MARCHF3: variants seen among roughly 807,000 people sequenced by gnomAD.
MARCHF3 encodes the protein E3 ubiquitin-protein ligase MARCHF3.
A neutral mutation model predicts 24.2 loss-of-function variants in MARCHF3; 13 were observed. The ratio of observed to expected loss-of-function variants is 0.54; its 90% confidence interval spans 0.35 to 0.85. The LOEUF (loss-of-function observed/expected upper bound fraction) is 0.85, where lower values mean the gene tolerates loss of function less well. Ranked by LOEUF, MARCHF3 falls within the 40% of genes least tolerant of loss-of-function variation. The probability of loss-of-function intolerance (pLI) is 0.01; values close to 1 mark genes in which losing one functional copy is unlikely to be tolerated. For missense variants in MARCHF3, 276 were observed against 325.0 expected, an observed-to-expected ratio of 0.85 and a Z score of 1.16; for synonymous variants, 144 against 137.3, an observed-to-expected ratio of 1.05 and a Z score of -0.34.
chr5:126,951,173 C>T (rs934673361), intron 1 of MARCHF3, among the ~76,000 whole-genome samples: 4 of 152,132 alleles, frequency 2.6e-5, no homozygotes, highest in Admixed American at 1.3e-4. Flanking sequence ...CTTTCTATTG[C>T]GATACACTTT....
intron 1 of MARCHF3, among the ~76,000 whole-genome samples, chr5:126,946,782 GT>G (rs1561441082): frequency 6.6e-6 from 1 of 151,126 alleles, no homozygotes; most frequent in African/African-American, 2.4e-5. Flanking sequence ...GTGTGTGTGT[GT>G]GTGTGTGTGT....
chr5:126,868,299 C>G lies in MARCHF3; in HGVS notation c.*2334G>C, dbSNP rs554864876. ...CTGATGCTGATGGAGATCAGAGCCT[C>G]TCACAAGGAGGTCCCAAGCTGGTGA... On this transcript the variant is annotated 3_prime_UTR_variant, in exon 5 of 5. Transcript: ENST00000308660. The G allele has an allele frequency of 6.6e-6, 1 of 152,326 alleles. No individual in the cohort carries two copies. The highest frequency in any genetic ancestry group is 1.9e-4 in the East Asian group (1 of 5,182). 9.4% of individuals were successfully genotyped at this position (152,326 alleles called of 1,614,324 possible).
At chr5:126,923,397 T>C (rs1221765467) in intron 1 of MARCHF3, among the ~76,000 whole-genome samples, 2 of 152,162 alleles carry the variant, frequency 1.3e-5, no homozygotes, top group Non-Finnish European at 2.9e-5. Flanking sequence ...TGGGAGAAAT[T>C]TGTTATACTG....
chr5:127,005,844 G>A (rs986702039), intron 1 of MARCHF3, among the ~76,000 whole-genome samples: 10 of 151,854 alleles, frequency 6.6e-5, no homozygotes, highest in Non-Finnish European at 1.0e-4. Context: ...TACTATATTA[G>A]GTACATTATA....
chr5:126,965,021 TA>T (rs56350286), intron 1 of MARCHF3, among the ~76,000 whole-genome samples: 7,848 of 101,446 alleles, frequency 0.077, 339 homozygotes, highest in African/African-American at 0.17. Context: ...ATGTTCTTAG[TA>T]AAAAAAAAAA....
At chr5:126,931,570 TACAC>T (rs57567399) in intron 1 of MARCHF3, among the ~76,000 whole-genome samples, 24,309 of 142,586 alleles carry the variant, frequency 0.17, 2,135 homozygotes, top group African/African-American at 0.19. Flanking sequence ...CATACATGAA[TACAC>T]ACACACACAC....
chr5:127,001,172 A>G (rs1038531997), intron 1 of MARCHF3, among the ~76,000 whole-genome samples: 5 of 150,922 alleles, frequency 3.3e-5, no homozygotes, highest in Admixed American at 2.0e-4. Context: ...TGGGAGATGG[A>G]GGTTGCAGTG....
rs142161471 is a variant in MARCHF3, at chr5:126,925,821, A to G, written c.-56-7594T>C. On this transcript the variant is annotated intron_variant, in intron 1 of 4. Transcript: ENST00000308660. Reference sequence around the variant, plus strand: ...CATAATGAGACATTCATGGGACATTACTCAGGGATGAAAAATTAAAATGTA... The same window carrying G: ...CATAATGAGACATTCATGGGACATTGCTCAGGGATGAAAAATTAAAATGTA... 1.4e-3 allele frequency among the ~76,000 whole-genome samples: 214 copies of G among 152,318 alleles called. 2 individuals are homozygous for G. The highest frequency in any genetic ancestry group is 4.9e-3 in the African/African-American group (202 of 41,572).
At chr5:126,974,904 C>G (rs982603583) in intron 1 of MARCHF3, among the ~76,000 whole-genome samples, 4 of 152,164 alleles carry the variant, frequency 2.6e-5, no homozygotes, top group African/African-American at 9.7e-5. Flanking sequence ...AGTAATCTGG[C>G]TACCATTCAT....
intron 3 of MARCHF3, among the ~76,000 whole-genome samples, chr5:126,902,423 C>T (rs900906660): frequency 6.6e-6 from 1 of 152,112 alleles, no homozygotes; most frequent in Non-Finnish European, 1.5e-5. Context: ...TCAAGGTGGA[C>T]AGAGGTCCTC....
At chr5:126,901,775 G>A (rs1754113473) in intron 3 of MARCHF3, among the ~76,000 whole-genome samples, 2 of 152,020 alleles carry the variant, frequency 1.3e-5, no homozygotes. Flanking sequence ...GCTCAACCAG[G>A]TGCCTTGTAC....
chr5:126,959,682 T>C (rs1448044931), intron 1 of MARCHF3, among the ~76,000 whole-genome samples: 1 of 152,140 alleles, frequency 6.6e-6, no homozygotes, highest in African/African-American at 2.4e-5. Flanking sequence ...CCCTGTAATA[T>C]CTTAGCAATT....
intron 1 of MARCHF3, among the ~76,000 whole-genome samples, chr5:126,984,920 G>A (rs951624869): frequency 6.6e-6 from 1 of 152,218 alleles, no homozygotes; most frequent in African/African-American, 2.4e-5. Flanking sequence ...AGCTGTCAGT[G>A]AGTGCATGAC....
intron 1 of MARCHF3, among the ~76,000 whole-genome samples, chr5:126,963,210 CTTA>C (rs1167949684): frequency 6.6e-6 from 1 of 152,062 alleles, no homozygotes. Context: ...AATGACCAGT[CTTA>C]TAGTTTGTCT....
intron 3 of MARCHF3, among the ~76,000 whole-genome samples, chr5:126,880,924 G>A (rs1245333095): frequency 1.3e-5 from 2 of 151,980 alleles, no homozygotes; most frequent in Non-Finnish European, 2.9e-5. Flanking sequence ...CTTTTGCTTG[G>A]GAATTCTGGA....
chr5:127,008,968 G>A (rs1302780951), intron 1 of MARCHF3, among the ~76,000 whole-genome samples: 1 of 151,556 alleles, frequency 6.6e-6, no homozygotes, highest in African/African-American at 2.4e-5. Context: ...GATGAGAGAG[G>A]AGGTGTTATT....
intron 3 of MARCHF3, among the ~76,000 whole-genome samples, chr5:126,882,821 C>G (rs1217962074): frequency 6.6e-6 from 1 of 152,186 alleles, no homozygotes; most frequent in East Asian, 1.9e-4. Flanking sequence ...AATTCATTTA[C>G]TCCTCAATAA....
intron 3 of MARCHF3, chr5:126,914,557 C>A: frequency 3.2e-6 from 1 of 314,082 alleles, no homozygotes; most frequent in Admixed American, 4.3e-5. Context: ...CCATTTATCT[C>A]CTGCTTCAAG....
intron 3 of MARCHF3, among the ~76,000 whole-genome samples, chr5:126,883,737 C>G (rs770093982): frequency 6.6e-6 from 1 of 152,206 alleles, no homozygotes; most frequent in Non-Finnish European, 1.5e-5. Flanking sequence ...TGTTACAGAA[C>G]TTTAGACTCT....
Sources: gnomAD v4.1 joint callset for allele counts (sites outside exome capture counted in the v4.1 genomes callset) on GRCh38, gnomAD v4.1.1 for gene constraint, MANE v1.5 for transcripts, NCBI Gene and HGNC (gene_info 2026-07-23, HGNC 2026-07-21) for gene names.